Variants in NINJ2 observed in about 807,000 individuals in gnomAD.
NINJ2 encodes the protein ninjurin 2, also known as ninjurin-2.
Under a neutral mutation model 11.7 loss-of-function variants are expected in NINJ2, and 12 were observed. The observed-to-expected ratio is 1.02, with a 90% confidence interval of 0.66 to 1.66. The LOEUF (loss-of-function observed/expected upper bound fraction) is 1.66. Among genes scored for constraint, NINJ2 ranks in the 40% most tolerant of loss-of-function variants. The probability of loss-of-function intolerance (pLI) is 0.00; values close to 1 mark genes in which losing one functional copy is unlikely to be tolerated. For missense variants in NINJ2, 187 were observed against 181.8 expected, an observed-to-expected ratio of 1.03 and a Z score of -0.16; for synonymous variants, 93 against 76.8, an observed-to-expected ratio of 1.21 and a Z score of -1.10.
chr12:631,378 A>G (rs539259048), intron 1 of NINJ2, among the ~76,000 whole-genome samples: 2 of 151,920 alleles, frequency 1.3e-5, no homozygotes, highest in South Asian at 4.2e-4. Flanking sequence ...TTATTTATTT[A>G]TTTTGAGACG....
At position 591,117 on chromosome 12, in the gene NINJ2, G is replaced by A. The variant is rs1278642848; in HGVS notation, c.34-24939C>T. On this transcript the variant is annotated intron_variant, in intron 1 of 3. Transcript: ENST00000305108. The surrounding 1 kb of genome is among the most constrained non-coding windows in gnomAD (Gnocchi z 5.0). ...AGGTGGCAGAGAAAAGAAGTTCAGC[G>A]AGAGTGGTGCCTCTTTTCAAAATGG... The A allele has an allele frequency of 1.3e-5, 2 of 152,254 alleles. No homozygotes were observed. Among genetic ancestry groups the A allele is most frequent in the Non-Finnish European group, 2.9e-5 (2 of 68,068 alleles). 9.4% of individuals were successfully genotyped at this position (152,254 alleles called of 1,614,324 possible). A position where few individuals can be genotyped will look rare whatever the true frequency, so the allele number is the denominator to read the frequency against.
chr12:639,746 G>A (rs1948397646), intron 1 of NINJ2, among the ~76,000 whole-genome samples: 1 of 152,158 alleles, frequency 6.6e-6, no homozygotes. Flanking sequence ...GCCTCCTGAG[G>A]ACGGGTTCCA....
In NINJ2 at chr12:606,033, T is replaced by C. The variant is rs138011059; in HGVS notation, c.34-39855A>G. Among the ~76,000 whole-genome samples, 153 of 152,272 alleles carry C rather than the reference T, an allele frequency of 1.0e-3. 2 individuals are homozygous for C. Among genetic ancestry groups the C allele is most frequent in the African/African-American group, 3.6e-3 (149 of 41,568 alleles). Reference sequence around the variant, plus strand: ...TCAATGTAATAAGAACTGTGTCTTATTTTAGTTTATTTATTATTTTTAAAA... The same window carrying C: ...TCAATGTAATAAGAACTGTGTCTTACTTTAGTTTATTTATTATTTTTAAAA... On this transcript the variant is annotated intron_variant, in intron 1 of 3. Transcript: ENST00000305108.
chr12:622,388 T>C (rs1948163179), intron 1 of NINJ2, among the ~76,000 whole-genome samples: 1 of 110,360 alleles, frequency 9.1e-6, no homozygotes, highest in Non-Finnish European at 1.7e-5. Context: ...CCAGCCTGGG[T>C]GACAGAGTGA....
chr12:600,671 T>G (rs987277302), intron 1 of NINJ2, among the ~76,000 whole-genome samples: 3 of 149,478 alleles, frequency 2.0e-5, no homozygotes, highest in African/African-American at 7.3e-5. Flanking sequence ...TGTGTGTGTG[T>G]GTGTGTGTGT....
chr12:572,384 GACCGACTGCCCGGGA>G (rs1205825556), intron 1 of NINJ2, among the ~76,000 whole-genome samples: 1 of 152,218 alleles, frequency 6.6e-6, no homozygotes, highest in Admixed American at 6.5e-5. Context: ...GCCTCAAAAT[GACCGACTGCCCGGGA>G]AAGCCAGGCC....
At position 585,876 on chromosome 12, in the gene NINJ2, G is replaced by A. The variant is rs1947630545; in HGVS notation, c.34-19698C>T. 1 of 152,194 alleles carries A rather than the reference G, an allele frequency of 6.6e-6. No individual in the cohort carries two copies. The allele number at this position is 152,194 out of a possible 1,614,324, so 9.4% of individuals were successfully genotyped here. A position where few individuals can be genotyped will look rare whatever the true frequency, so the allele number is the denominator to read the frequency against. ...AGGAGCGCCTCCATCCAGGGGCGTG[G>A]AGGAGGCTCTGTGGATCTCAGGGCC... On this transcript the variant is annotated intron_variant, in intron 1 of 3. Coordinates refer to ENST00000305108, the MANE Select transcript of NINJ2 (RefSeq NM_016533.6). This position sits in a 1 kb window ranked among gnomAD's most constrained non-coding sequence, Gnocchi z 4.1.
At chr12:632,434 G>T (rs1253898225) in intron 1 of NINJ2, 4 of 152,212 alleles carry the variant, frequency 2.6e-5, no homozygotes, top group Admixed American at 2.6e-4. Context: ...CAGCCTAACG[G>T]CTCCATTCAG....
At chr12:593,070 G>A (rs1210773420) in intron 1 of NINJ2, among the ~76,000 whole-genome samples, 1 of 151,928 alleles carries the variant, frequency 6.6e-6, no homozygotes, top group Non-Finnish European at 1.5e-5. Flanking sequence ...AAAGTAGAGT[G>A]GATACAGATG....
intron 1 of NINJ2, among the ~76,000 whole-genome samples, chr12:601,317 C>G (rs544626016): frequency 1.3e-5 from 2 of 151,880 alleles, no homozygotes; most frequent in East Asian, 3.9e-4. Context: ...GAGGCTGAGG[C>G]GGGCGGATCA....
chr12:638,455 A>T (rs558071752), intron 1 of NINJ2, among the ~76,000 whole-genome samples: 1 of 152,138 alleles, frequency 6.6e-6, no homozygotes, highest in Non-Finnish European at 1.5e-5. Context: ...TCGCTCTGTC[A>T]CCCAGGCTGG....
intron 3 of NINJ2, 146 bp downstream of exon 3, chr12:565,071 T>G (rs1947273290): frequency 6.2e-6 from 4 of 643,200 alleles, no homozygotes; most frequent in Middle Eastern, 4.3e-4. Context: ...GAGGCCAGGC[T>G]CTTGCAGATC....
chr12:593,971 C>G (rs181296579), intron 1 of NINJ2, among the ~76,000 whole-genome samples: 272 of 152,200 alleles, frequency 1.8e-3, no homozygotes, highest in African/African-American at 6.2e-3. Flanking sequence ...TACAAAAAAC[C>G]TGTGGCTAAC....
rs192033768 is a variant in NINJ2, at chr12:568,474, G to A, written c.34-2296C>T. Among the ~76,000 whole-genome samples the A allele has an allele frequency of 1.0e-3, 152 of 152,308 alleles. 1 individual carries two copies. In the Middle Eastern group the frequency reaches 0.037, roughly 37 times the overall value. On this transcript the variant is annotated intron_variant, in intron 1 of 3. Transcript: ENST00000305108. ...TTTGCCAGGAGGGTGCACACACACA[G>A]ACACATTCAAGAGGCACAGGGTGGT...
At chr12:565,075 G>T in intron 3 of NINJ2, 142 bp downstream of exon 3, 1 of 658,322 alleles carries the variant, frequency 1.5e-6, no homozygotes, top group Non-Finnish European at 2.5e-6. Context: ...CCAGGCTCTT[G>T]CAGATCCTCT....
intron 1 of NINJ2, among the ~76,000 whole-genome samples, chr12:567,350 T>G (rs2120779458): frequency 6.6e-6 from 1 of 152,316 alleles, no homozygotes; most frequent in Admixed American, 6.5e-5. Flanking sequence ...GATGGATGCG[T>G]GCCTATATAT....
In NINJ2 at chr12:643,354, G is replaced by A. The variant is rs371838855; in HGVS notation, c.33+19974C>T. ...CCCCGCGCCGGGTGGGGAGGGGAGGGTGGCGTTCCTGAGTCCGCGGAGGAA... is the reference window on the plus strand; with the variant it reads ...CCCCGCGCCGGGTGGGGAGGGGAGGATGGCGTTCCTGAGTCCGCGGAGGAA... On this transcript the variant is annotated intron_variant, in intron 1 of 3. Transcript: ENST00000305108. 129 of 807,888 alleles carry A rather than the reference G, an allele frequency of 1.6e-4. No individual in the cohort carries two copies. In the East Asian group the frequency reaches 7.5e-3, roughly 47 times the overall value. The allele number at this position is 807,888 out of a possible 1,614,324, so 50.0% of individuals were successfully genotyped here.
intron 1 of NINJ2, among the ~76,000 whole-genome samples, chr12:577,004 T>C (rs2535427): frequency 0.76 from 116,177 of 151,966 alleles, 44,574 homozygotes; most frequent in Middle Eastern, 0.79. Context: ...AACAAAATTG[T>C]TAAAATTTAA....
rs200439455 is a variant in NINJ2, at chr12:611,173, CCTT to C, written c.34-44998_34-44996del. Among the ~76,000 whole-genome samples the C allele has an allele frequency of 9.5e-3, 1,451 of 152,152 alleles. 13 individuals carry two copies. Among genetic ancestry groups the C allele is most frequent in the Non-Finnish European group, 0.013 (889 of 67,972 alleles). ...CAGGCCTGCCTGCCTTTCTTTCTTTCCTTCTTTTCTTTCCTCCTTTTCTTTCTT... is the reference window on the plus strand; with the variant it reads ...CAGGCCTGCCTGCCTTTCTTTCTTTCCTTTTCTTTCCTCCTTTTCTTTCTT... On this transcript the variant is annotated intron_variant, in intron 1 of 3. Transcript: ENST00000305108.
Sources: gnomAD v4.1 joint callset for allele counts (sites outside exome capture counted in the v4.1 genomes callset) on GRCh38, gnomAD v4.1.1 for gene constraint, Gnocchi (gnomAD v3.1) non-coding constraint, MANE v1.5 for transcripts, NCBI Gene and HGNC (gene_info 2026-07-23, HGNC 2026-07-21) for gene names.